The following RIC3 variants were observed in gnomAD, a reference collection of about 807,000 sequenced individuals.
RIC3 encodes the protein RIC3 acetylcholine receptor chaperone, also known as protein RIC-3.
A neutral mutation model predicts 27.3 loss-of-function variants in RIC3; 28 were observed. The observed-to-expected ratio is 1.02, with a 90% confidence interval of 0.76 to 1.41. RIC3 has a LOEUF of 1.41. Among genes scored for constraint, RIC3 ranks in the 40% most tolerant of loss-of-function variants. The probability of loss-of-function intolerance (pLI) is 0.00; values close to 1 mark genes in which losing one functional copy is unlikely to be tolerated. For missense variants in RIC3, 501 were observed against 444.7 expected (o/e 1.13, Z -1.14); for synonymous variants, 184 against 160.4 (o/e 1.15, Z -1.11).
the RIC3 span, chr11:8,097,104 C>A: frequency 9.0e-7 from 1 of 1,115,754 alleles, no homozygotes; most frequent in Non-Finnish European, 1.3e-6. Context: ...GCTGGCCAGG[C>A]CCCAATCCCA....
At chr11:8,153,429 A>G (rs1044147758) in intron 1 of RIC3, 5 of 453,162 alleles carry the variant, frequency 1.1e-5, no homozygotes, top group Non-Finnish European at 2.2e-5. Context: ...GTTTTCTGCA[A>G]TACAAAAAAG....
chr11:8,093,274 C>G, the RIC3 span, among the ~76,000 whole-genome samples: 1 of 151,958 alleles, frequency 6.6e-6, no homozygotes, highest in Admixed American at 6.5e-5. Flanking sequence ...GTGCAGGCAG[C>G]AGGAGCAAGG....
At chr11:8,099,822 G>A in the RIC3 span, among the ~76,000 whole-genome samples, 16 of 152,316 alleles carry the variant, frequency 1.1e-4, no homozygotes, top group African/African-American at 2.9e-4. Context: ...AGCAGTGTAC[G>A]TGTCTAGGGG....
intron 5 of RIC3, among the ~76,000 whole-genome samples, chr11:8,112,101 T>G (rs558830856): frequency 6.6e-6 from 1 of 152,206 alleles, no homozygotes. Flanking sequence ...GTGGAGACAT[T>G]TCTACATTTA....
intron 1 of RIC3, among the ~76,000 whole-genome samples, chr11:8,166,929 G>A (rs1164360580): frequency 6.6e-6 from 1 of 151,786 alleles, no homozygotes; most frequent in Non-Finnish European, 1.5e-5. Context: ...AAAGGAGGGA[G>A]GGAGGGACAG....
intron 5 of RIC3, among the ~76,000 whole-genome samples, chr11:8,118,194 G>A (rs1406762788): frequency 2.1e-5 from 3 of 143,158 alleles, no homozygotes; most frequent in South Asian, 2.2e-4. Flanking sequence ...CTGCACTCAA[G>A]CCTGGGCATG....
At chr11:8,112,059 A>G (rs1945328783) in intron 5 of RIC3, among the ~76,000 whole-genome samples, 2 of 152,350 alleles carry the variant, frequency 1.3e-5, no homozygotes, top group East Asian at 1.9e-4. Flanking sequence ...ACTGTGACAA[A>G]TAAGTCTTTT....
chr11:8,112,787 A>G lies in RIC3; in HGVS notation c.671-1650T>C, dbSNP rs11041747. On this transcript the variant is annotated intron_variant, in intron 5 of 5. Coordinates refer to ENST00000309737, the MANE Select transcript of RIC3 (RefSeq NM_001206671.4). ...ACATGATTTACTAGTCCTCTTTTCT[A>G]GGGCATTTAGATTCTTTCCAATTTT... 5.7e-3 allele frequency among the ~76,000 whole-genome samples: 864 copies of G among 152,314 alleles called. 5 individuals carry two copies. The highest frequency in any genetic ancestry group is 0.031 in the Middle Eastern group (9 of 294).
chr11:8,146,611 A>G (rs1364284111), intron 1 of RIC3, among the ~76,000 whole-genome samples: 1 of 152,178 alleles, frequency 6.6e-6, no homozygotes, highest in South Asian at 2.1e-4. Flanking sequence ...GGAGGTCCTG[A>G]GAACACGTAC....
chr11:8,142,582 G>C (rs957326941), intron 1 of RIC3, among the ~76,000 whole-genome samples: 44 of 148,014 alleles, frequency 3.0e-4, no homozygotes, highest in Non-Finnish European at 5.3e-4. Context: ...ATTCACAGCC[G>C]AATTCTATCA....
At chr11:8,093,333 T>C in the RIC3 span, among the ~76,000 whole-genome samples, 1 of 152,084 alleles carries the variant, frequency 6.6e-6, no homozygotes, top group African/African-American at 2.4e-5. Context: ...CAGACCAGCC[T>C]GGTGTGGCTG....
Position 8,111,072 on chromosome 11 carries a change from T to G in RIC3, c.736A>C (p.Ile246Leu), listed in dbSNP as rs1363577809. ...SDCIKRRQET[I>L]LVDYPDPKEL... ...TTTGGGTCAGGGTAATCCACCAAGA[T>G]TGTTTCTTGCCTACGCTTGATACAG... Residue 246 changes from isoleucine (I) to leucine (L), a missense_variant, in exon 6 of 6, where the codon ATC becomes CTC. By Grantham distance (5) the Ile-to-Leu change is conservative (BLOSUM62 2). Coordinates refer to ENST00000309737, the MANE Select transcript of RIC3 (RefSeq NM_001206671.4). 6.2e-7 allele frequency: 1 copy of G among 1,614,078 alleles called. No individual in the cohort carries two copies. Among genetic ancestry groups the G allele is most frequent in the South Asian group, 1.1e-5 (1 of 91,090 alleles).
At chr11:8,118,834 G>C (rs1382988329) in intron 5 of RIC3, among the ~76,000 whole-genome samples, 1 of 150,994 alleles carries the variant, frequency 6.6e-6, no homozygotes, top group Non-Finnish European at 1.5e-5. Context: ...TCACACCATT[G>C]CACTCTAGCC....
intron 1 of RIC3, among the ~76,000 whole-genome samples, chr11:8,164,793 A>ATC (rs1951525935): frequency 4.1e-5 from 3 of 73,524 alleles, no homozygotes; most frequent in Admixed American, 1.4e-4. Context: ...AAAAAAAAAA[A>ATC]AAAAAAAAAA....
intron 5 of RIC3, among the ~76,000 whole-genome samples, chr11:8,121,902 T>C (rs1946501103): frequency 6.6e-6 from 1 of 152,118 alleles, no homozygotes. Flanking sequence ...CTTTTTTATT[T>C]TGAGATAATT....
chr11:8,096,528 T>C, the RIC3 span, among the ~76,000 whole-genome samples: 4 of 152,182 alleles, frequency 2.6e-5, no homozygotes, highest in African/African-American at 9.7e-5. Flanking sequence ...TATGTGTGAA[T>C]GGGAGTCTAT....
chr11:8,116,367 T>C (rs1183820029), intron 5 of RIC3, among the ~76,000 whole-genome samples: 1 of 152,158 alleles, frequency 6.6e-6, no homozygotes, highest in African/African-American at 2.4e-5. Flanking sequence ...ATGACATTGG[T>C]CTGGACAATG....
At position 8,124,876 on chromosome 11, in the gene RIC3, T is replaced by C. The variant is rs532792860; in HGVS notation, c.670+1783A>G. ...GTTAACTCAAAATAGATCACAGGCC[T>C]AAATGTAAAAGCTAAAACTGTAGAA... On this transcript the variant is annotated intron_variant, in intron 5 of 5. Transcript: ENST00000309737. Among the ~76,000 whole-genome samples, 3 of 152,304 alleles carry C rather than the reference T, an allele frequency of 2.0e-5. No homozygotes were observed. In the South Asian group the frequency reaches 6.2e-4, roughly 32 times the overall value.
intron 1 of RIC3, among the ~76,000 whole-genome samples, chr11:8,162,625 T>G (rs568619800): frequency 1.9e-4 from 27 of 143,430 alleles, no homozygotes; most frequent in East Asian, 1.5e-3. Context: ...GCTCCATGCT[T>G]CTTCTTTTTT....
Sources: gnomAD v4.1 joint callset for allele counts (sites outside exome capture counted in the v4.1 genomes callset) on GRCh38, gnomAD v4.1.1 for gene constraint, MANE v1.5 for transcripts, NCBI Gene and HGNC (gene_info 2026-07-23, HGNC 2026-07-21) for gene names.